The following PACSIN2 variants were observed in gnomAD, a reference collection of about 807,000 sequenced individuals.
PACSIN2 encodes protein kinase C and casein kinase substrate in neurons 2, also known as protein kinase C and casein kinase substrate in neurons protein 2.
A neutral mutation model predicts 63.8 loss-of-function variants in PACSIN2; 25 were observed. That is an observed-to-expected ratio of 0.39 (90% CI 0.29 to 0.55). The LOEUF (loss-of-function observed/expected upper bound fraction) is 0.55, where lower values mean the gene tolerates loss of function less well. Among genes scored for constraint, PACSIN2 ranks in the 20% least tolerant of loss-of-function variants. PACSIN2 has a pLI of 0.62. For synonymous variants in PACSIN2, 255 were observed against 256.2 expected (o/e 1.00, Z 0.05); for missense variants, 518 against 646.9 (o/e 0.80, Z 2.16).
At chr22:42,876,090 G>A (rs1428541065) in intron 10 of PACSIN2, 47 bp downstream of exon 10, 3 of 1,526,902 alleles carry the variant, frequency 2.0e-6, no homozygotes, top group Non-Finnish European at 2.7e-6. Context: ...CCCACAGCCT[G>A]CAGGTTGGAA....
At chr22:42,974,631 C>G (rs1180442896) in intron 1 of PACSIN2, among the ~76,000 whole-genome samples, 1 of 151,760 alleles carries the variant, frequency 6.6e-6, no homozygotes, top group Non-Finnish European at 1.5e-5. Flanking sequence ...TGCCTGTAAT[C>G]CCAGCTACTC....
intron 2 of PACSIN2, chr22:42,909,391 G>T: frequency 2.6e-6 from 1 of 377,484 alleles, no homozygotes. Context: ...CTTTGGAAAA[G>T]TGTCCTTCCA....
intron 1 of PACSIN2, among the ~76,000 whole-genome samples, chr22:42,965,501 T>A (rs879411271): frequency 1.3e-5 from 2 of 152,222 alleles, no homozygotes; most frequent in Non-Finnish European, 2.9e-5. Flanking sequence ...AGAAGTCTAG[T>A]AACAGAGCTT....
chr22:42,884,359 G>A (rs761091871), intron 6 of PACSIN2, 27 bp downstream of exon 6: 2 of 1,597,098 alleles, frequency 1.3e-6, no homozygotes, highest in Non-Finnish European at 1.7e-6. Context: ...TCAATGACGT[G>A]TGTGTTTTAG....
intron 6 of PACSIN2, among the ~76,000 whole-genome samples, chr22:42,882,731 A>C (rs1008154940): frequency 1.3e-5 from 2 of 152,304 alleles, no homozygotes. Flanking sequence ...GAGCGTGAAG[A>C]TGACCCGGTG....
chr22:42,983,436 G>C (rs184542312), intron 1 of PACSIN2, among the ~76,000 whole-genome samples: 1 of 138,006 alleles, frequency 7.2e-6, no homozygotes, highest in East Asian at 2.4e-4. Flanking sequence ...GTTGCAGTGA[G>C]CCGAGATTGT....
At chr22:43,004,438 G>A (rs893520635) in intron 1 of PACSIN2, among the ~76,000 whole-genome samples, 5 of 152,246 alleles carry the variant, frequency 3.3e-5, no homozygotes, top group African/African-American at 7.2e-5. Context: ...AGCAAAGGTC[G>A]CAATTGCTTA....
At chr22:42,980,659 GT>G (rs1459574949) in intron 1 of PACSIN2, among the ~76,000 whole-genome samples, 1 of 111,294 alleles carries the variant, frequency 9.0e-6, no homozygotes, top group East Asian at 2.5e-4. Context: ...ACTGGTTTTC[GT>G]TTTTTTTTGG....
At chr22:42,968,796 G>A (rs947947511) in intron 1 of PACSIN2, among the ~76,000 whole-genome samples, 8 of 152,178 alleles carry the variant, frequency 5.3e-5, no homozygotes, top group Non-Finnish European at 1.0e-4. Flanking sequence ...CTTGGGCCAC[G>A]GAACCCCAAG....
chr22:42,916,305 G>A (rs1178345079), intron 1 of PACSIN2, among the ~76,000 whole-genome samples: 1 of 150,690 alleles, frequency 6.6e-6, no homozygotes. Context: ...AGGACCTGGG[G>A]GACAAGAATC....
At chr22:42,991,382 C>T (rs1215592218) in intron 1 of PACSIN2, among the ~76,000 whole-genome samples, 1 of 152,210 alleles carries the variant, frequency 6.6e-6, no homozygotes, top group East Asian at 1.9e-4. Context: ...CAGCCCCTCC[C>T]ACCTTTCTCA....
In PACSIN2 at chr22:42,879,157, C is replaced by G. The variant is rs1477283272; in HGVS notation, c.919G>C (p.Asp307His). 1 of 1,613,872 alleles carries G rather than the reference C, an allele frequency of 6.2e-7. No homozygotes were observed. Among genetic ancestry groups the G allele is most frequent in the Non-Finnish European group, 8.5e-7 (1 of 1,179,886 alleles). Residue 307 changes from aspartate to histidine, a missense_variant, in exon 8 of 11, where the codon GAC (aspartate) becomes CAC (histidine). Asp to His is a moderately conservative substitution (Grantham distance 81). This residue lies in a region of PACSIN2 where 507 missense variants were observed against 612.3 expected (regional missense o/e 0.83). Coordinates refer to ENST00000263246, the MANE Select transcript of PACSIN2 (RefSeq NM_001184970.3). ...CTCCGGCTGAGGGTTCGATTCAGGT[C>G]TGCGGACCACTCCTAGGCAACAGGT... ...NWPQFEEWSA[D>H]LNRTLSRREK...
chr22:43,005,252 C>A (rs545466984), intron 1 of PACSIN2, among the ~76,000 whole-genome samples: 1 of 152,312 alleles, frequency 6.6e-6, no homozygotes, highest in Admixed American at 6.5e-5. Context: ...ACCAGTACTC[C>A]CTTCCAATCC....
intron 2 of PACSIN2, among the ~76,000 whole-genome samples, chr22:42,900,711 C>T (rs1056107726): frequency 3.9e-5 from 6 of 152,148 alleles, no homozygotes; most frequent in Non-Finnish European, 8.8e-5. Flanking sequence ...TAGGCTCAAG[C>T]AATCCTCCCA....
intron 1 of PACSIN2, among the ~76,000 whole-genome samples, chr22:43,012,305 CT>C (rs1215879153): frequency 9.1e-6 from 1 of 110,112 alleles, no homozygotes; most frequent in Non-Finnish European, 1.9e-5. Context: ...GAGACTCTCT[CT>C]CAAAAAAAAA....
intron 1 of PACSIN2, among the ~76,000 whole-genome samples, chr22:42,927,956 C>A (rs993314030): frequency 3.3e-5 from 5 of 152,162 alleles, no homozygotes; most frequent in African/African-American, 1.2e-4. Context: ...GCCCTCATGT[C>A]CAGATGTTTG....
At chr22:43,014,357 C>G (rs1398215715) in intron 1 of PACSIN2, among the ~76,000 whole-genome samples, 1 of 15,518 alleles carries the variant, frequency 6.4e-5, no homozygotes, top group Non-Finnish European at 1.1e-4. Flanking sequence ...CACACAGACA[C>G]ACACACACCA....
chr22:42,884,421 C>T lies in PACSIN2; in HGVS notation c.750G>A (p.Glu250=). 1 of 1,614,224 alleles carries T rather than the reference C, an allele frequency of 6.2e-7. No individual in the cohort carries two copies. The highest frequency in any genetic ancestry group is 8.5e-7 in the Non-Finnish European group (1 of 1,180,018). The stretch of plus-strand genomic sequence containing the variant: ...TGGACAGGTCTAGGTGCTTCTGAAC[C>T]TCCAGCAGAACCTCCCGGAAGAAGC... ...RLRFFREVLL[E]VQKHLDLSNV... The change falls in exon 6 of 11, where the codon GAG becomes GAA. Residue 250 remains glutamate (E), a synonymous_variant. Coordinates refer to ENST00000263246, the MANE Select transcript of PACSIN2 (RefSeq NM_001184970.3).
chr22:42,921,740 C>CT (rs538286179), intron 1 of PACSIN2, among the ~76,000 whole-genome samples: 52,106 of 144,568 alleles, frequency 0.36, 10,134 homozygotes, highest in Non-Finnish European at 0.46. Flanking sequence ...CATTTAGAAG[C>CT]TTTTTTTTTT....
Sources: gnomAD v4.1 joint callset for allele counts (sites outside exome capture counted in the v4.1 genomes callset) on GRCh38, gnomAD v4.1.1 for gene constraint, gnomAD v4.1.1 regional missense constraint, MANE v1.5 for transcripts, NCBI Gene and HGNC (gene_info 2026-07-23, HGNC 2026-07-21) for gene names.